The following TDRD1 variants were observed in gnomAD, a reference collection of about 807,000 sequenced individuals.
The protein encoded by TDRD1 is tudor domain containing 1.
A neutral mutation model predicts 140.6 loss-of-function variants in TDRD1; 37 were observed. The observed-to-expected ratio is 0.26, with a 90% CI of 0.20 to 0.35. The LOEUF (loss-of-function observed/expected upper bound fraction) is 0.35. TDRD1 is among the 10% of genes least tolerant of loss of function. TDRD1 has a pLI of 1.00. For synonymous variants in TDRD1, 506 were observed against 475.7 expected, an observed-to-expected ratio of 1.06 and a Z score of -0.83; for missense variants, 1,243 against 1,393.0, an observed-to-expected ratio of 0.89 and a Z score of 1.71.
At position 114,226,037 on chromosome 10, in the gene TDRD1, TTC is replaced by T; in HGVS notation, c.3008-10_3008-9del. 6.2e-7 allele frequency: 1 copy of T among 1,611,734 alleles called. No individual in the cohort carries two copies. Among genetic ancestry groups the T allele is most frequent in the Admixed American group, 1.7e-5 (1 of 60,010 alleles). On this transcript the variant is annotated splice_polypyrimidine_tract_variant and intron_variant, in intron 21 of 25. Transcript: ENST00000251864. ...CTGTAAGTTCTTACCTGAGATTTCA[TTC>T]TGTTTTCAGGTGATGATTTTTGGTA...
At chr10:114,195,119 A>G (rs7902421) in intron 3 of TDRD1, among the ~76,000 whole-genome samples, 152,276 of 152,282 alleles carry the variant, frequency 1, 76,135 homozygotes, top group Middle Eastern at 1. Flanking sequence ...ATTTAGAAGT[A>G]TATGTTTTAG....
exon 2 of TDRD1, chr10:114,188,005 A>G: frequency 1.9e-6 from 3 of 1,614,240 alleles, no homozygotes; most frequent in Non-Finnish European, 2.5e-6. Context: ...TGAAAAGCTC[A>G]GAGAATGGAA....
At chr10:114,181,324 T>C (rs1334065955) in intron 1 of TDRD1, among the ~76,000 whole-genome samples, 2 of 152,162 alleles carry the variant, frequency 1.3e-5, no homozygotes, top group African/African-American at 4.8e-5. Context: ...AAATAGTAGA[T>C]TGTATATAGG....
chr10:114,206,579 T>C (rs1208207738), intron 11 of TDRD1, among the ~76,000 whole-genome samples: 1 of 152,042 alleles, frequency 6.6e-6, no homozygotes, highest in Non-Finnish European at 1.5e-5. Context: ...TTATGAAGTA[T>C]TAAATATCAT....
intron 11 of TDRD1, among the ~76,000 whole-genome samples, chr10:114,207,042 C>A (rs2035167277): frequency 6.6e-6 from 1 of 152,212 alleles, no homozygotes; most frequent in South Asian, 2.1e-4. Context: ...CTGTTTACTC[C>A]TGTAAAAGCT....
chr10:114,204,237 A>G (rs2034955948), intron 9 of TDRD1, 21 bp downstream of exon 9: 10 of 1,571,348 alleles, frequency 6.4e-6, no homozygotes, highest in Non-Finnish European at 8.6e-6. Flanking sequence ...TTTACTTTCT[A>G]GATTTTTAAT....
intron 20 of TDRD1, among the ~76,000 whole-genome samples, chr10:114,222,381 G>A (rs551944606): frequency 5.9e-5 from 9 of 152,128 alleles, no homozygotes; most frequent in Non-Finnish European, 8.8e-5. Context: ...GCCCACTCCC[G>A]GTATTGATTG....
At chr10:114,232,430 AT>A (rs1248191775), downstream of TDRD1, 1 of 145,164 alleles carries the variant, frequency 6.9e-6, no homozygotes, top group African/African-American at 2.6e-5. Flanking sequence ...CAAAGTTTGA[AT>A]TTTTTTCATG....
intron 11 of TDRD1, among the ~76,000 whole-genome samples, chr10:114,210,240 A>G (rs1430235789): frequency 3.3e-5 from 5 of 152,140 alleles, no homozygotes; most frequent in Non-Finnish European, 7.4e-5. Context: ...ATGTGTTTCT[A>G]CTTGAGTATA....
At chr10:114,210,794 A>G in intron 12 of TDRD1, 46 bp downstream of exon 12, 1 of 1,611,770 alleles carries the variant, frequency 6.2e-7, no homozygotes, top group Non-Finnish European at 8.5e-7. Flanking sequence ...AAATACTTCA[A>G]GAGACTTGAC....
At chr10:114,181,714 G>A (rs951391044) in intron 1 of TDRD1, among the ~76,000 whole-genome samples, 1 of 152,020 alleles carries the variant, frequency 6.6e-6, no homozygotes, top group Non-Finnish European at 1.5e-5. Flanking sequence ...GCGTGATGGG[G>A]CATGCCTGTA....
At chr10:114,212,129 A>G in intron 14 of TDRD1, 93 bp downstream of exon 14, 1 of 1,146,048 alleles carries the variant, frequency 8.7e-7, no homozygotes, top group South Asian at 1.6e-5. Flanking sequence ...CTGCTTCTCA[A>G]AACAACATCA....
At chr10:114,215,327 G>C (rs961729919) in intron 16 of TDRD1, among the ~76,000 whole-genome samples, 1 of 152,100 alleles carries the variant, frequency 6.6e-6, no homozygotes, top group African/African-American at 2.4e-5. Flanking sequence ...GGCCTGTTTT[G>C]CTTGGGCTGT....
chr10:114,223,400 G>A (rs1478220241), intron 21 of TDRD1, among the ~76,000 whole-genome samples: 1 of 152,218 alleles, frequency 6.6e-6, no homozygotes, highest in Non-Finnish European at 1.5e-5. Flanking sequence ...GCACAGGCCT[G>A]CCTTCTCAAA....
intron 11 of TDRD1, among the ~76,000 whole-genome samples, chr10:114,208,221 G>A (rs1324310754): frequency 6.6e-6 from 1 of 152,146 alleles, no homozygotes; most frequent in Non-Finnish European, 1.5e-5. Context: ...ATTAAAGGTC[G>A]CAGGAGCTGT....
At chr10:114,183,805 G>A (rs1457854134) in intron 1 of TDRD1, among the ~76,000 whole-genome samples, 2 of 150,670 alleles carry the variant, frequency 1.3e-5, no homozygotes, top group Non-Finnish European at 2.9e-5. Context: ...GATTCTAGGC[G>A]ATTCTCCCAC....
intron 1 of TDRD1, among the ~76,000 whole-genome samples, chr10:114,184,473 A>C (rs75462523): frequency 0.016 from 2,373 of 152,310 alleles, 55 homozygotes; most frequent in African/African-American, 0.055. Context: ...GGCCTCAGGA[A>C]TGTGTTGCAG....
chr10:114,179,144 C>T (rs2032807969), upstream of TDRD1: 1 of 152,226 alleles, frequency 6.6e-6, no homozygotes, highest in African/African-American at 2.4e-5. Context: ...GAAGCTAGAA[C>T]AAAATAAAAG....
chr10:114,204,724 C>T, exon 10 of TDRD1: 1 of 1,575,234 alleles, frequency 6.3e-7, no homozygotes, highest in Non-Finnish European at 8.6e-7. Flanking sequence ...TTTTTCAGGC[C>T]ATAAAGTGCT....
Sources: gnomAD v4.1 joint callset for allele counts (sites outside exome capture counted in the v4.1 genomes callset) on GRCh38, gnomAD v4.1.1 for gene constraint, MANE v1.5 for transcripts, NCBI Gene and HGNC (gene_info 2026-07-23, HGNC 2026-07-21) for gene names.